PFN4: variants seen among roughly 807,000 people sequenced by gnomAD.
The protein encoded by PFN4 is profilin family member 4.
Under a neutral mutation model 16.3 loss-of-function variants are expected in PFN4, and 10 were observed. That is an observed-to-expected ratio of 0.61 (90% confidence interval 0.38 to 1.04). PFN4 has a LOEUF of 1.04. PFN4 is among the 50% of genes least tolerant of loss of function. PFN4 has a pLI of 0.01. For synonymous variants in PFN4, 54 were observed against 56.9 expected (o/e 0.95, Z 0.23); for missense variants, 136 against 153.6 (o/e 0.89, Z 0.61).
chr2:24,118,887 G>T (rs1016398049), intron 4 of PFN4, among the ~76,000 whole-genome samples: 1 of 152,148 alleles, frequency 6.6e-6, no homozygotes, highest in African/African-American at 2.4e-5. Flanking sequence ...CTGTTTCAAA[G>T]GAGTGTTTAT....
rs1371824209 is a variant in PFN4 at position 24,123,140 on chromosome 2, C to A, written c.-35G>T. The A allele has an allele frequency of 6.6e-6, 1 of 152,488 alleles. No individual in the cohort carries two copies. Among genetic ancestry groups the A allele is most frequent in the Non-Finnish European group, 1.5e-5 (1 of 68,304 alleles). The allele number at this position is 152,488 out of a possible 1,614,324, so 9.4% of individuals were successfully genotyped here. A position where few individuals can be genotyped will look rare whatever the true frequency, so the allele number is the denominator to read the frequency against. On this transcript the variant is annotated 5_prime_UTR_variant, in exon 1 of 5. Coordinates refer to ENST00000313213, the MANE Select transcript of PFN4 (RefSeq NM_199346.3). ...GACCTCCGGCACAGGCGCCCGTTTCCCGCCACTGCCTTCCAGTGGTTTGGT... is the reference window on the plus strand; with the variant it reads ...GACCTCCGGCACAGGCGCCCGTTTCACGCCACTGCCTTCCAGTGGTTTGGT...
At position 24,119,590 on chromosome 2, in the gene PFN4, G is replaced by T. The variant is rs1465747130; in HGVS notation, c.348C>A (p.Ala116=). The part of the protein sequence containing the change: ...EGMYPSICVE[A]TESLGDYLRK... The stretch of plus-strand genomic sequence containing the variant: ...AGGCCAACTTACCCAGGCTCTCTGT[G>T]GCTTCCACACAGATGCTAGGATACA... Residue 116 remains alanine (A), a synonymous_variant, in exon 4 of 5, where the codon GCC becomes GCA. Coordinates refer to ENST00000313213, the MANE Select transcript of PFN4 (RefSeq NM_199346.3). The T allele has an allele frequency of 1.9e-6, 3 of 1,613,324 alleles. No individual in the cohort carries two copies. In the African/African-American group the frequency reaches 4.0e-5, roughly 22 times the overall value.
chr2:24,123,072 C>T (rs916452432), intron 1 of PFN4, 46 bp downstream of exon 1: 1 of 152,314 alleles, frequency 6.6e-6, no homozygotes, highest in East Asian at 1.9e-4. Flanking sequence ...CTTAAACCCA[C>T]ATTTCCCGCA....
chr2:24,121,405 T>G (rs1324833234), intron 2 of PFN4, 105 bp from the exon 3 acceptor site: 1 of 1,106,358 alleles, frequency 9.0e-7, no homozygotes, highest in Non-Finnish European at 1.3e-6. Context: ...TAAGAATGGT[T>G]TTCATGTTTT....
chr2:24,120,562 ATTTTT>A (rs1455242098), intron 3 of PFN4, among the ~76,000 whole-genome samples: 1 of 139,448 alleles, frequency 7.2e-6, no homozygotes, highest in Non-Finnish European at 1.6e-5. Context: ...TTTTTTTAAA[ATTTTT>A]TTTTTGAGAT....
chr2:24,117,503 C>T (rs35059499), intron 4 of PFN4, among the ~76,000 whole-genome samples: 18,024 of 150,934 alleles, frequency 0.12, 1,253 homozygotes, highest in South Asian at 0.18. Context: ...AGTGCAATGG[C>T]GCTATTTTGG....
chr2:24,120,678 C>T (rs898315417), intron 3 of PFN4, among the ~76,000 whole-genome samples: 1 of 151,920 alleles, frequency 6.6e-6, no homozygotes, highest in Non-Finnish European at 1.5e-5. Context: ...GCCTCAGCCT[C>T]CCAAGTAGCT....
At position 24,122,420 on chromosome 2, in the gene PFN4, T is replaced by C. The variant is rs562655250; in HGVS notation, c.116A>G (p.Asn39Ser). 1.0e-5 allele frequency: 16 copies of C among 1,608,036 alleles called. No individual in the cohort carries two copies. The highest frequency in any genetic ancestry group is 2.2e-5 in the East Asian group (1 of 44,858). Residue 39 changes from asparagine (N) to serine (S), a missense_variant and splice_region_variant, in exon 2 of 5, where the codon AAT becomes AGT. Physicochemically the swap from Asn to Ser is conservative, Grantham distance 46 (BLOSUM62 1). Transcript: ENST00000313213. ...AGGTCCAAACTTGTTTTTTCTTACA[T>C]TGAAACCTGGTGATGCTACACACAA... is the stretch of plus-strand genomic sequence containing the variant. ...RSLCVASPGF[N>S]VTPSDVRTLV...
chr2:24,116,858 T>C (rs889137405), intron 4 of PFN4, among the ~76,000 whole-genome samples: 1 of 145,930 alleles, frequency 6.9e-6, no homozygotes. Context: ...GCCTGGCTGA[T>C]AGAATGAAAC....
In PFN4 at chr2:24,115,033, G is replaced by A. The variant is rs1305518755; in HGVS notation, c.*550C>T. Among the ~76,000 whole-genome samples the A allele has an allele frequency of 6.6e-6, 1 of 152,204 alleles. No individual in the cohort carries two copies. The highest frequency in any genetic ancestry group is 1.9e-4 in the East Asian group (1 of 5,202). On this transcript the variant is annotated 3_prime_UTR_variant, in exon 5 of 5. Coordinates refer to ENST00000313213, the MANE Select transcript of PFN4 (RefSeq NM_199346.3). ...AGTGGTCCATTGTTGAATGGCCTTT[G>A]CAATCCCTTCTCCCAAGTCTCACCG...
chr2:24,120,277 A>AAAAAC (rs1553329187), intron 3 of PFN4, among the ~76,000 whole-genome samples: 4 of 151,498 alleles, frequency 2.6e-5, no homozygotes, highest in African/African-American at 9.7e-5. Context: ...TCAAAAAAAA[A>AAAAAC]AACAACAACA....
intron 3 of PFN4, 92 bp downstream of exon 3, chr2:24,121,071 A>C: frequency 6.7e-7 from 1 of 1,486,992 alleles, no homozygotes; most frequent in Admixed American, 1.9e-5. Context: ...AATGGATTTA[A>C]TCTGTTTTAC....
chr2:24,123,121 C>G lies in PFN4; in HGVS notation c.-16G>C, dbSNP rs1264425262. On this transcript the variant is annotated 5_prime_UTR_variant, in exon 1 of 5. Coordinates refer to ENST00000313213, the MANE Select transcript of PFN4 (RefSeq NM_199346.3). ...CTTGGACCCCCCTCATCAGGACCTC[C>G]GGCACAGGCGCCCGTTTCCCGCCAC... 3 of 152,554 alleles carry G rather than the reference C, an allele frequency of 2.0e-5. No individual in the cohort carries two copies. The highest frequency in any genetic ancestry group is 7.2e-5 in the African/African-American group (3 of 41,470). 9.5% of individuals were successfully genotyped at this position (152,554 alleles called of 1,614,324 possible).
upstream of PFN4, chr2:24,123,479 T>TGGAACCCGCGGC (rs1228151459): frequency 4.6e-5 from 7 of 152,152 alleles, no homozygotes; most frequent in South Asian, 1.4e-3. Flanking sequence ...GGACTCGCTG[T>TGGAACCCGCGGC]GGAACCCGCG....
rs201563058 is a variant in PFN4 at position 24,119,700 on chromosome 2, G to A, written c.256-18C>T. ...GTGTTCTCCTGTATAAAGAATATAA[G>A]AGAATATTCTGCTCTTGGTTCTAAT... On this transcript the variant is annotated intron_variant, in intron 3 of 4. Coordinates refer to ENST00000313213, the MANE Select transcript of PFN4 (RefSeq NM_199346.3). The A allele has an allele frequency of 1.3e-6, 2 of 1,571,032 alleles. No individual in the cohort carries two copies. Among genetic ancestry groups the A allele is most frequent in the East Asian group, 2.2e-5 (1 of 44,748 alleles).
At chr2:24,122,340 A>AAAAT in intron 2 of PFN4, 79 bp downstream of exon 2, 4 of 1,080,202 alleles carry the variant, frequency 3.7e-6, no homozygotes, top group Non-Finnish European at 4.2e-6. Flanking sequence ...AAAAAAAAAA[A>AAAAT]GTCATGTCTG....
intron 4 of PFN4, among the ~76,000 whole-genome samples, chr2:24,119,142 CA>C (rs1357233712): frequency 1.3e-5 from 2 of 152,130 alleles, no homozygotes; most frequent in African/African-American, 4.8e-5. Context: ...AGACCCCCAG[CA>C]GCCACATCTC....
intron 3 of PFN4, among the ~76,000 whole-genome samples, chr2:24,120,711 C>A (rs1325315393): frequency 1.3e-5 from 2 of 149,928 alleles, no homozygotes; most frequent in Non-Finnish European, 3.0e-5. Context: ...GCGCACCACA[C>A]CTGGCTAATT....
intron 4 of PFN4, among the ~76,000 whole-genome samples, chr2:24,116,268 C>T (rs1665913729): frequency 6.6e-6 from 1 of 151,580 alleles, no homozygotes; most frequent in African/African-American, 2.4e-5. Flanking sequence ...GCAGAGGTTG[C>T]AATGAGCTGA....
Sources: allele counts gnomAD v4.1 joint callset (sites outside exome capture counted in the v4.1 genomes callset), GRCh38; gene constraint gnomAD v4.1.1; transcripts MANE v1.5; gene names NCBI Gene and HGNC (gene_info 2026-07-23, HGNC 2026-07-21).